The following AGBL1 variants were observed in gnomAD, a reference collection of about 807,000 sequenced individuals.
The protein encoded by AGBL1 is cytosolic carboxypeptidase 4.
In AGBL1, 130 loss-of-function variants were observed where a neutral mutation model predicts 118.9. The ratio of observed to expected loss-of-function variants is 1.09; its 90% CI spans 0.95 to 1.26. AGBL1 has a LOEUF of 1.26. AGBL1 is among the 50% of genes most tolerant of loss of function. AGBL1 has a pLI of 0.00. For missense variants in AGBL1, 1,584 were observed against 1,298.1 expected (o/e 1.22, Z -3.38); for synonymous variants, 555 against 478.9 (o/e 1.16, Z -2.08).
intron 1 of AGBL1, among the ~76,000 whole-genome samples, chr15:86,115,726 T>C (rs1266983720): frequency 1.3e-5 from 2 of 152,206 alleles, no homozygotes; most frequent in Non-Finnish European, 2.9e-5. Context: ...CTTTCTTCTC[T>C]TCTCTGTGTA....
At chr15:86,789,433 A>C (rs191130882) in intron 22 of AGBL1, among the ~76,000 whole-genome samples, 1 of 152,270 alleles carries the variant, frequency 6.6e-6, no homozygotes, top group Non-Finnish European at 1.5e-5. Flanking sequence ...AGGTTGTTTA[A>C]ATTTTTCTTT....
At chr15:86,452,072 A>G (rs571459427) in intron 18 of AGBL1, among the ~76,000 whole-genome samples, 2 of 152,260 alleles carry the variant, frequency 1.3e-5, no homozygotes, top group South Asian at 4.1e-4. Context: ...TGCCAGCCAC[A>G]GTAGCTTTGC....
At position 86,264,733 on chromosome 15, in the gene AGBL1, C is replaced by G; in HGVS notation, c.1562C>G (p.Thr521Ser). 1.2e-6 allele frequency: 2 copies of G among 1,614,032 alleles called. No homozygotes were observed. The highest frequency in any genetic ancestry group is 1.3e-5 in the African/African-American group (1 of 75,054). ...CTTTATATGGCCAAAGCCAGAAGAACCAGCTCTGTGGTGGACTTCAAGATG... is the reference window on the plus strand; with the variant it reads ...CTTTATATGGCCAAAGCCAGAAGAAGCAGCTCTGTGGTGGACTTCAAGATG... The part of the protein sequence containing the change: ...PYLYMAKARR[T>S]SSVVDFKMMA... The change falls in exon 11 of 23, where the codon ACC (threonine) becomes AGC (serine). Residue 521 changes from threonine (T) to serine (S), a missense_variant. Coordinates refer to ENST00000614907, the MANE Select transcript of AGBL1 (RefSeq NM_001386094.1).
intron 22 of AGBL1, among the ~76,000 whole-genome samples, chr15:86,854,012 A>C (rs902028683): frequency 6.6e-6 from 1 of 152,112 alleles, no homozygotes; most frequent in East Asian, 1.9e-4. Context: ...ATTTTTTTTT[A>C]AATATGCAGA....
At chr15:86,129,820 T>C (rs183977555) in intron 1 of AGBL1, among the ~76,000 whole-genome samples, 65 of 152,242 alleles carry the variant, frequency 4.3e-4, no homozygotes, top group African/African-American at 1.5e-3. Context: ...ATAGATTCTT[T>C]TGAGAAGATA....
At chr15:86,596,516 A>G (rs974974938) in intron 21 of AGBL1, among the ~76,000 whole-genome samples, 2 of 152,160 alleles carry the variant, frequency 1.3e-5, no homozygotes, top group Non-Finnish European at 1.5e-5. Flanking sequence ...ATCTTCTTCC[A>G]GTACATCTCC....
rs569480499 is a variant in AGBL1 at position 86,892,994 on chromosome 15, C to T, written c.3159-14093C>T. ...GGAGCACAGCGTTCACACAGCTCTG[C>T]TCCTGGAGAAAATAGATAGAAGGTC... is the stretch of plus-strand genomic sequence containing the variant. On this transcript the variant is annotated intron_variant, in intron 22 of 22. Coordinates refer to ENST00000614907, the MANE Select transcript of AGBL1 (RefSeq NM_001386094.1). Among the ~76,000 whole-genome samples, 39 of 152,252 alleles carry T rather than the reference C, an allele frequency of 2.6e-4. No individual in the cohort carries two copies. In the South Asian group the frequency reaches 7.5e-3, roughly 29 times the overall value.
intron 15 of AGBL1, among the ~76,000 whole-genome samples, chr15:86,273,505 G>A (rs866874454): frequency 6.6e-6 from 1 of 152,172 alleles, no homozygotes; most frequent in Non-Finnish European, 1.5e-5. Context: ...GTAGATATGT[G>A]TAATCTCTAT....
At chr15:86,425,539 T>TA (rs947166814) in intron 18 of AGBL1, among the ~76,000 whole-genome samples, 1 of 151,932 alleles carries the variant, frequency 6.6e-6, no homozygotes, top group Non-Finnish European at 1.5e-5. Flanking sequence ...AAAGTATAAT[T>TA]AAAAAAACCC....
chr15:86,207,420 G>A (rs982556854), intron 5 of AGBL1, among the ~76,000 whole-genome samples: 5 of 152,106 alleles, frequency 3.3e-5, no homozygotes, highest in South Asian at 2.1e-4. Flanking sequence ...CCATTTTCAC[G>A]ATATTGATTC....
At chr15:86,681,610 G>C (rs1469498508) in intron 22 of AGBL1, among the ~76,000 whole-genome samples, 1 of 151,928 alleles carries the variant, frequency 6.6e-6, no homozygotes, top group South Asian at 2.1e-4. Flanking sequence ...ATTTTCTTTT[G>C]GTCTATTCAT....
At chr15:86,263,588 C>T (rs372380930) in intron 10 of AGBL1, among the ~76,000 whole-genome samples, 12 of 152,328 alleles carry the variant, frequency 7.9e-5, no homozygotes, top group East Asian at 7.7e-4. Flanking sequence ...AAAGTGGGAC[C>T]GTTGTCCTAG....
At chr15:86,389,642 C>A (rs1024149975) in intron 17 of AGBL1, among the ~76,000 whole-genome samples, 1 of 151,714 alleles carries the variant, frequency 6.6e-6, no homozygotes, top group African/African-American at 2.4e-5. Context: ...CTTTATTACA[C>A]AATAAATGTA....
intron 15 of AGBL1, among the ~76,000 whole-genome samples, chr15:86,278,353 C>T (rs1597668964): frequency 6.6e-6 from 1 of 152,114 alleles, no homozygotes; most frequent in East Asian, 1.9e-4. Context: ...TCCAGATTGC[C>T]ATGTTGGCAG....
chr15:86,594,356 TTTC>T (rs2084378704), intron 21 of AGBL1, among the ~76,000 whole-genome samples: 1 of 152,242 alleles, frequency 6.6e-6, no homozygotes, highest in Admixed American at 6.5e-5. Context: ...TATTTGTAAT[TTTC>T]TTTTTTTGGT....
rs139618572 is a variant in AGBL1, at chr15:86,712,067, A to G, written c.3158+37631A>G. 6.8e-3 allele frequency among the ~76,000 whole-genome samples: 1,030 copies of G among 152,080 alleles called. 7 individuals are homozygous for G. Among genetic ancestry groups the G allele is most frequent in the African/African-American group, 0.023 (967 of 41,482 alleles). ...CTGAGTGCTATCTGAGCTCAAATTCACCCCTGCCCTCCACCTCAACCTTTC... is the reference window on the plus strand; with the variant it reads ...CTGAGTGCTATCTGAGCTCAAATTCGCCCCTGCCCTCCACCTCAACCTTTC... On this transcript the variant is annotated intron_variant, in intron 22 of 22. Transcript: ENST00000614907.
At chr15:86,154,867 A>T (rs2077167128) in intron 4 of AGBL1, among the ~76,000 whole-genome samples, 1 of 152,138 alleles carries the variant, frequency 6.6e-6, no homozygotes, top group South Asian at 2.1e-4. Context: ...AGGTAAAAAA[A>T]GGTCTGTGAC....
chr15:86,091,962 A>G (rs188036887), intron 1 of AGBL1, among the ~76,000 whole-genome samples: 15 of 152,262 alleles, frequency 9.9e-5, no homozygotes, highest in Admixed American at 9.2e-4. Flanking sequence ...CTGACAATCT[A>G]AACTAGGTGG....
At chr15:86,734,095 T>G (rs1005371350) in intron 22 of AGBL1, among the ~76,000 whole-genome samples, 2 of 152,194 alleles carry the variant, frequency 1.3e-5, no homozygotes, top group Non-Finnish European at 2.9e-5. Flanking sequence ...CTAGGCAGTT[T>G]GCATATGTTT....
Sources: allele counts gnomAD v4.1 joint callset (sites outside exome capture counted in the v4.1 genomes callset), GRCh38; gene constraint gnomAD v4.1.1; transcripts MANE v1.5; gene names NCBI Gene and HGNC (gene_info 2026-07-23, HGNC 2026-07-21).